AMER2: variants seen among roughly 807,000 people sequenced by gnomAD.
AMER2 encodes the protein family with sequence similarity 123A.
AMER2 carries 1 observed loss-of-function variant against 4.7 expected under a neutral mutation model. The ratio of observed to expected loss-of-function variants is 0.21; its 90% CI spans 0.07 to 1.00. The LOEUF (loss-of-function observed/expected upper bound fraction) is 1.00, where lower values mean the gene tolerates loss of function less well. Ranked by LOEUF, AMER2 falls within the 50% of genes least tolerant of loss-of-function variation. AMER2 has a pLI of 0.60. For synonymous variants in AMER2, 485 were observed against 433.3 expected (o/e 1.12, Z -1.48); for missense variants, 988 against 966.9 (o/e 1.02, Z -0.29).
rs1399161313 is a variant in AMER2 at position 25,170,968 on chromosome 13, G to C, written c.652C>G (p.Arg218Gly). The C allele has an allele frequency of 7.1e-6, 11 of 1,543,274 alleles. No individual in the cohort carries two copies. Among genetic ancestry groups the C allele is most frequent in the Non-Finnish European group, 8.7e-6 (10 of 1,147,636 alleles). Residue 218 changes from arginine (R) to glycine (G), a missense_variant, in exon 1 of 1, where the codon CGC (arginine) becomes GGC (glycine). By Grantham distance (125) the Arg-to-Gly change is moderately radical (BLOSUM62 -2). Coordinates refer to ENST00000515384, the MANE Select transcript of AMER2 (RefSeq NM_152704.4). This position sits in a 1 kb window ranked among gnomAD's most constrained non-coding sequence, Gnocchi z 7.3. ...AGGATCAAGCCGCCCCCGGGCGCGC[G>C]CCCCTCCGCGGCCTCCGCCTTGGCC... The part of the protein sequence containing the change: ...KRAKAEAAEG[R>G]APGGGLILPG...
In AMER2 at chr13:25,165,616, A is replaced by T. The variant is rs1182112443; in HGVS notation, c.*3988T>A. 6.6e-6 allele frequency: 1 copy of T among 152,204 alleles called. No homozygotes were observed. Among genetic ancestry groups the T allele is most frequent in the Non-Finnish European group, 1.5e-5 (1 of 68,034 alleles). The allele number at this position is 152,204 out of a possible 1,614,324, so 9.4% of individuals were successfully genotyped here. A position where few individuals can be genotyped will look rare whatever the true frequency, so the allele number is the denominator to read the frequency against. ...GGTTTTCCTCTTATTTCACTCAGAT[A>T]CTTTAAACCAGCTTTCCTCAGTGAT... On this transcript the variant is annotated 3_prime_UTR_variant, in exon 1 of 1. Transcript: ENST00000515384.
At position 25,171,546 on chromosome 13, in the gene AMER2, A is replaced by T. The variant is rs1566017314; in HGVS notation, c.74T>A (p.Val25Asp). 1.3e-6 allele frequency: 2 copies of T among 1,572,464 alleles called. No homozygotes were observed. The highest frequency in any genetic ancestry group is 1.8e-5 in the Admixed American group (1 of 56,638). The change falls in exon 1 of 1, where the codon GTC becomes GAC. Residue 25 changes from valine to aspartate, a missense_variant. Val to Asp is a radical substitution (Grantham distance 152, BLOSUM62 -3). Transcript: ENST00000515384. This position sits in a 1 kb window ranked among gnomAD's most constrained non-coding sequence, Gnocchi z 5.9. Reference sequence around the variant, plus strand: ...CCCGGCCTCCGCCTTCCTCCTGCAGACCCCCACGGACGCGCCAGCTCCGCC... The same window carrying T: ...CCCGGCCTCCGCCTTCCTCCTGCAGTCCCCCACGGACGCGCCAGCTCCGCC... ...ERGGAGASVG[V>D]CRRKAEAGAG...
Position 25,169,831 on chromosome 13 carries a change from G to A in AMER2, c.1789C>T (p.Arg597Ter). 1 of 1,614,012 alleles carries A rather than the reference G, an allele frequency of 6.2e-7. No individual in the cohort carries two copies. The highest frequency in any genetic ancestry group is 8.5e-7 in the Non-Finnish European group (1 of 1,179,908). ...VSPGTITCPLRTPGSLLKDSK... is the reference protein window; with the variant it reads ...VSPGTITCPL ...TCCTTCAGCAAGCTGCCTGGTGTTC[G>A]CAGTGGACAGGTGATGGTGCCTGGA... is the stretch of plus-strand genomic sequence containing the variant. The change falls in exon 1 of 1, where the codon CGA becomes TGA. Residue 597 changes from arginine to a stop codon, truncating the protein, a stop_gained. Transcript: ENST00000515384. LOFTEE classifies it high-confidence loss of function. This position sits in a 1 kb window ranked among gnomAD's most constrained non-coding sequence, Gnocchi z 4.2.
rs756966611 is a variant in AMER2 at position 25,170,881 on chromosome 13, C to T, written c.739G>A (p.Glu247Lys). 4 of 1,458,220 alleles carry T rather than the reference C, an allele frequency of 2.7e-6. No individual in the cohort carries two copies. Among genetic ancestry groups the T allele is most frequent in the Non-Finnish European group, 1.8e-6 (2 of 1,113,392 alleles). 90.3% of individuals were successfully genotyped at this position (1,458,220 alleles called of 1,614,324 possible). Residue 247 changes from glutamate (E) to lysine (K), a missense_variant, in exon 1 of 1, where the codon GAG (glutamate) becomes AAG (lysine). Transcript: ENST00000515384. This position sits in a 1 kb window ranked among gnomAD's most constrained non-coding sequence, Gnocchi z 7.3. ...VKEETPRAAR[E>K]PEEPSQDAPR... is the part of the protein sequence containing the mutation. ...GCGTCCTGGCTGGGCTCCTCCGGCTCGCGCGCGGCTCTGGGCGTCTCCTCC... is the reference window on the plus strand; with the variant it reads ...GCGTCCTGGCTGGGCTCCTCCGGCTTGCGCGCGGCTCTGGGCGTCTCCTCC...
At position 25,167,566 on chromosome 13, in the gene AMER2, T is replaced by C. The variant is rs1956494698; in HGVS notation, c.*2038A>G. 1 of 152,216 alleles carries C rather than the reference T, an allele frequency of 6.6e-6. No individual in the cohort carries two copies. The highest frequency in any genetic ancestry group is 1.5e-5 in the Non-Finnish European group (1 of 68,024). 9.4% of individuals were successfully genotyped at this position (152,216 alleles called of 1,614,324 possible). On this transcript the variant is annotated 3_prime_UTR_variant, in exon 1 of 1. Coordinates refer to ENST00000515384, the MANE Select transcript of AMER2 (RefSeq NM_152704.4). ...AGATGCTTATATGAATTCTTGGTAG[T>C]GTGTTCAGAATGCTTAAGGCTATGA...
chr13:25,171,036 C>A lies in AMER2; in HGVS notation c.584G>T (p.Arg195Leu). 1.3e-6 allele frequency: 2 copies of A among 1,573,822 alleles called. No individual in the cohort carries two copies. The highest frequency in any genetic ancestry group is 8.6e-7 in the Non-Finnish European group (1 of 1,161,508). ...KAGGKQKRGLRGLFSGMRWHR... is the reference protein window; with the variant it reads ...KAGGKQKRGLLGLFSGMRWHR... ...CCAGCGCATGCCGCTGAACAGCCCC[C>A]GCAGCCCCCGCTTTTGTTTGCCGCC... The change falls in exon 1 of 1, where the codon CGG (arginine) becomes CTG (leucine). Residue 195 changes from arginine (R) to leucine (L), a missense_variant. Arg to Leu is a moderately radical substitution (Grantham distance 102, BLOSUM62 -2). Transcript: ENST00000515384. The surrounding 1 kb of genome is among the most constrained non-coding windows in gnomAD (Gnocchi z 5.9).
In AMER2 at chr13:25,171,805, C is replaced by T. The variant is rs1356682544; in HGVS notation, c.-186G>A. 4.8e-6 allele frequency: 6 copies of T among 1,251,266 alleles called. No homozygotes were observed. The highest frequency in any genetic ancestry group is 8.3e-5 in the Admixed American group (2 of 24,172). 77.5% of individuals were successfully genotyped at this position (1,251,266 alleles called of 1,614,324 possible). On this transcript the variant is annotated 5_prime_UTR_variant, in exon 1 of 1. Transcript: ENST00000515384. This position sits in a 1 kb window ranked among gnomAD's most constrained non-coding sequence, Gnocchi z 5.9. ...TAACCCACTTCCATCCGACTTGGCT[C>T]GGCGCTGCATGGCGTTTTTGTGGCA...
Position 25,171,420 on chromosome 13 carries a change from G to C in AMER2, c.200C>G (p.Ala67Gly). ...EPPSGKINKA[A>G]FKLFKKRKSG... ...TTTCCTCTTCTTGAATAATTTGAAG[G>C]CAGCTTTATTAATCTTCCCCGACGG... The change falls in exon 1 of 1, where the codon GCC becomes GGC. Residue 67 changes from alanine to glycine, a missense_variant. Physicochemically the swap from Ala to Gly is moderately conservative, Grantham distance 60. Coordinates refer to ENST00000515384, the MANE Select transcript of AMER2 (RefSeq NM_152704.4). The surrounding 1 kb of genome is among the most constrained non-coding windows in gnomAD (Gnocchi z 5.9). The C allele has an allele frequency of 1.2e-6, 2 of 1,613,040 alleles. No individual in the cohort carries two copies. The highest frequency in any genetic ancestry group is 1.7e-6 in the Non-Finnish European group (2 of 1,179,664).
Position 25,169,375 on chromosome 13 carries a change from C to A in AMER2, c.*229G>T, listed in dbSNP as rs954603730. 6.7e-6 allele frequency: 3 copies of A among 446,750 alleles called. No individual in the cohort carries two copies. The highest frequency in any genetic ancestry group is 1.1e-5 in the Non-Finnish European group (3 of 262,976). 27.7% of individuals were successfully genotyped at this position (446,750 alleles called of 1,614,324 possible). On this transcript the variant is annotated 3_prime_UTR_variant, in exon 1 of 1. Coordinates refer to ENST00000515384, the MANE Select transcript of AMER2 (RefSeq NM_152704.4). The surrounding 1 kb of genome is among the most constrained non-coding windows in gnomAD (Gnocchi z 4.2). ...GAAAAAAGTGCTTGAAAATAATTCT[C>A]AGGGACTTATCTTGAGAGGAGAAAC...
In AMER2 at chr13:25,171,765, G is replaced by A; in HGVS notation, c.-146C>T. 1 of 1,389,516 alleles carries A rather than the reference G, an allele frequency of 7.2e-7. No homozygotes were observed. The highest frequency in any genetic ancestry group is 9.3e-7 in the Non-Finnish European group (1 of 1,079,550). The allele number at this position is 1,389,516 out of a possible 1,614,324, so 86.1% of individuals were successfully genotyped here. A position where few individuals can be genotyped will look rare whatever the true frequency, so the allele number is the denominator to read the frequency against. On this transcript the variant is annotated 5_prime_UTR_variant, in exon 1 of 1. Coordinates refer to ENST00000515384, the MANE Select transcript of AMER2 (RefSeq NM_152704.4). The surrounding 1 kb of genome is among the most constrained non-coding windows in gnomAD (Gnocchi z 5.9). Reference sequence around the variant, plus strand: ...AAAGACCATCTTCCCTCCCGCAAGGGCTTATATAATACCCTAACCCACTTC... The same window carrying A: ...AAAGACCATCTTCCCTCCCGCAAGGACTTATATAATACCCTAACCCACTTC...
Position 25,170,207 on chromosome 13 carries a change from C to G in AMER2, c.1413G>C (p.Glu471Asp). 6.2e-7 allele frequency: 1 copy of G among 1,612,506 alleles called. No homozygotes were observed. The highest frequency in any genetic ancestry group is 8.5e-7 in the Non-Finnish European group (1 of 1,179,104). Residue 471 changes from glutamate to aspartate, a missense_variant, in exon 1 of 1, where the codon GAG (glutamate) becomes GAC (aspartate). Coordinates refer to ENST00000515384, the MANE Select transcript of AMER2 (RefSeq NM_152704.4). The surrounding 1 kb of genome is among the most constrained non-coding windows in gnomAD (Gnocchi z 7.3). Reference protein sequence around the residue: ...AAALETKVVPETPKDTRCVEA... With the variant: ...AAALETKVVPDTPKDTRCVEA... ...CCACACACCTGGTGTCTTTGGGGGT[C>G]TCGGGCACCACCTTGGTTTCCAGCG...
At position 25,170,603 on chromosome 13, in the gene AMER2, G is replaced by A. The variant is rs1566015899; in HGVS notation, c.1017C>T (p.Ser339=). 4 of 1,585,132 alleles carry A rather than the reference G, an allele frequency of 2.5e-6. No individual in the cohort carries two copies. Among genetic ancestry groups the A allele is most frequent in the Non-Finnish European group, 3.4e-6 (4 of 1,165,122 alleles). ...TVPLVDSEGG[S]GRAPAAPDPA... ...GGTCTGGGGCGGCGGGCGCCCGGCC[G>A]CTGCCGCCTTCGGAGTCGACAAGGG... Residue 339 remains serine, a synonymous_variant, in exon 1 of 1, where the codon AGC becomes AGT. Coordinates refer to ENST00000515384, the MANE Select transcript of AMER2 (RefSeq NM_152704.4). The surrounding 1 kb of genome is among the most constrained non-coding windows in gnomAD (Gnocchi z 7.3).
At position 25,169,868 on chromosome 13, in the gene AMER2, T is replaced by C. The variant is rs751380784; in HGVS notation, c.1752A>G (p.Leu584=). 4 of 1,614,018 alleles carry C rather than the reference T, an allele frequency of 2.5e-6. No homozygotes were observed. In the African/African-American group the frequency reaches 5.3e-5, roughly 22 times the overall value. The change falls in exon 1 of 1, where the codon TTA becomes TTG. Residue 584 remains leucine (L), a synonymous_variant. Coordinates refer to ENST00000515384, the MANE Select transcript of AMER2 (RefSeq NM_152704.4). This position sits in a 1 kb window ranked among gnomAD's most constrained non-coding sequence, Gnocchi z 4.2. Reference sequence around the variant, plus strand: ...TGATGGTGCCTGGAGATACGGGCTTTAACCGGGACAGGGAGGACGTCTCCT... The same window carrying C: ...TGATGGTGCCTGGAGATACGGGCTTCAACCGGGACAGGGAGGACGTCTCCT... ...DNEETSSLSR[L]KPVSPGTITC...
chr13:25,171,368 A>C lies in AMER2; in HGVS notation c.252T>G (p.Phe84Leu), dbSNP rs765281252. The C allele has an allele frequency of 5.0e-6, 8 of 1,612,164 alleles. No homozygotes were observed. The Middle Eastern group carries it at 5.0e-4, about 100-fold the overall frequency. The change falls in exon 1 of 1, where the codon TTT (phenylalanine) becomes TTG (leucine). Residue 84 changes from phenylalanine to leucine, a missense_variant. By Grantham distance (22) the Phe-to-Leu change is conservative (BLOSUM62 0). Transcript: ENST00000515384. The surrounding 1 kb of genome is among the most constrained non-coding windows in gnomAD (Gnocchi z 5.9). ...TCCCGTCCCCTTTGTTTTTGACCCCAAAAATGCTGGGCATGGTGCCACCCG... is the reference window on the plus strand; with the variant it reads ...TCCCGTCCCCTTTGTTTTTGACCCCCAAAATGCTGGGCATGGTGCCACCCG... ...RKSGGTMPSIFGVKNKGDGKS... is the reference protein window; with the variant it reads ...RKSGGTMPSILGVKNKGDGKS...
In AMER2 at chr13:25,169,681, G is replaced by T. The variant is rs771766479; in HGVS notation, c.1939C>A (p.Arg647Ser). 5.6e-6 allele frequency: 9 copies of T among 1,613,968 alleles called. No homozygotes were observed. The highest frequency in any genetic ancestry group is 7.6e-6 in the Non-Finnish European group (9 of 1,179,936). ...GCCAAGCCCCGGTTGCTGACTCTGC[G>T]GACCAGCACTTTGGAAACCGGGATT... Reference protein sequence around the residue: ...TKIPVSKVLVRRVSNRGLAGT... With the variant: ...TKIPVSKVLVSRVSNRGLAGT... The change falls in exon 1 of 1, where the codon CGC becomes AGC. Residue 647 changes from arginine to serine, a missense_variant. Coordinates refer to ENST00000515384, the MANE Select transcript of AMER2 (RefSeq NM_152704.4). The surrounding 1 kb of genome is among the most constrained non-coding windows in gnomAD (Gnocchi z 4.2).
rs1280254021 is a variant in AMER2, at chr13:25,170,496, A to G, written c.1124T>C (p.Phe375Ser). 6.2e-7 allele frequency: 1 copy of G among 1,614,160 alleles called. No homozygotes were observed. The highest frequency in any genetic ancestry group is 8.5e-7 in the Non-Finnish European group (1 of 1,180,006). Residue 375 changes from phenylalanine to serine, a missense_variant, in exon 1 of 1, where the codon TTT becomes TCT. Transcript: ENST00000515384. This position sits in a 1 kb window ranked among gnomAD's most constrained non-coding sequence, Gnocchi z 7.3. The stretch of plus-strand genomic sequence containing the variant: ...ATCTCCACAGCCTGTAAGAGAGTCA[A>G]AGCTTTTCAGTGAAGTCACGTCAGA... ...MFSDVTSLKSFDSLTGCGDII... is the reference protein window; with the variant it reads ...MFSDVTSLKSSDSLTGCGDII...
chr13:25,170,776 G>T lies in AMER2; in HGVS notation c.844C>A (p.Arg282=), dbSNP rs765077387. ...GGGTGCGCGAGGCCCTCTGCCTCTC[G>T]GCAGCTCCGCGCTGGGGCGCGGTCG... ...PADRAPARSC[R]EAEGLAHPGD... is the part of the protein sequence containing the mutation. The change falls in exon 1 of 1, where the codon CGA becomes AGA. Residue 282 remains arginine (R), a synonymous_variant. Transcript: ENST00000515384. This position sits in a 1 kb window ranked among gnomAD's most constrained non-coding sequence, Gnocchi z 7.3. 57 of 1,372,878 alleles carry T rather than the reference G, an allele frequency of 4.2e-5. No homozygotes were observed. Among genetic ancestry groups the T allele is most frequent in the Non-Finnish European group, 1.4e-5 (15 of 1,072,464 alleles). 85.0% of individuals were successfully genotyped at this position (1,372,878 alleles called of 1,614,324 possible). A position where few individuals can be genotyped will look rare whatever the true frequency, so the allele number is the denominator to read the frequency against.
rs765004677 is a variant in AMER2 at position 25,171,649 on chromosome 13, CA to C, written c.-31del. 1.4e-6 allele frequency: 2 copies of C among 1,448,002 alleles called. No homozygotes were observed. The highest frequency in any genetic ancestry group is 2.9e-5 in the African/African-American group (2 of 68,022). 89.7% of individuals were successfully genotyped at this position (1,448,002 alleles called of 1,614,324 possible). On this transcript the variant is annotated 5_prime_UTR_variant, in exon 1 of 1. Coordinates refer to ENST00000515384, the MANE Select transcript of AMER2 (RefSeq NM_152704.4). The surrounding 1 kb of genome is among the most constrained non-coding windows in gnomAD (Gnocchi z 5.9). ...ACCGCGCGGGATAAGCCGCTTTCGT[CA>C]GCAGTGGGCTCGCGCCAGGCCACTG...
rs1956591418 is a variant in AMER2 at position 25,171,969 on chromosome 13, A to T, written c.-350T>A. 3.4e-6 allele frequency: 1 copy of T among 292,278 alleles called. No homozygotes were observed. The allele number at this position is 292,278 out of a possible 1,614,324, so 18.1% of individuals were successfully genotyped here. A position where few individuals can be genotyped will look rare whatever the true frequency, so the allele number is the denominator to read the frequency against. On this transcript the variant is annotated 5_prime_UTR_variant, in exon 1 of 1. Coordinates refer to ENST00000515384, the MANE Select transcript of AMER2 (RefSeq NM_152704.4). The surrounding 1 kb of genome is among the most constrained non-coding windows in gnomAD (Gnocchi z 5.9). ...CGGGAGCGCAACCATGGATCACGAAATGCCTCTAAAAACGACAACGCAATT... is the reference window on the plus strand; with the variant it reads ...CGGGAGCGCAACCATGGATCACGAATTGCCTCTAAAAACGACAACGCAATT...
Sources: gnomAD v4.1 joint callset for allele counts on GRCh38, gnomAD v4.1.1 for gene constraint, Gnocchi (gnomAD v3.1) non-coding constraint, MANE v1.5 for transcripts, NCBI Gene and HGNC (gene_info 2026-07-23, HGNC 2026-07-21) for gene names.